The following DCC variants were observed in gnomAD, a reference collection of about 807,000 sequenced individuals.
DCC encodes DCC netrin 1 receptor.
Under a neutral mutation model 172.5 loss-of-function variants are expected in DCC, and 58 were observed. The observed-to-expected ratio is 0.34, with a 90% CI of 0.27 to 0.42. DCC has a LOEUF of 0.42. Ranked by LOEUF, DCC falls within the 10% of genes least tolerant of loss-of-function variation. DCC has a pLI of 1.00. For missense variants in DCC, 1,740 were observed against 1,791.0 expected, an observed-to-expected ratio of 0.97 and a Z score of 0.51; for synonymous variants, 709 against 644.5, an observed-to-expected ratio of 1.10 and a Z score of -1.52.
intron 1 of DCC, among the ~76,000 whole-genome samples, chr18:52,597,244 T>A (rs2033927256): frequency 6.6e-6 from 1 of 152,224 alleles, no homozygotes; most frequent in Non-Finnish European, 1.5e-5. Flanking sequence ...TTGCCAAACC[T>A]GTCAGAACTG....
intron 1 of DCC, among the ~76,000 whole-genome samples, chr18:52,356,788 A>ATT (rs35219447): frequency 4.9e-4 from 73 of 148,930 alleles, no homozygotes; most frequent in Middle Eastern, 3.4e-3. Context: ...AACCTAAATC[A>ATT]TTTTTTTTTT....
At chr18:52,528,455 G>C (rs2032047970) in intron 1 of DCC, among the ~76,000 whole-genome samples, 2 of 152,094 alleles carry the variant, frequency 1.3e-5, no homozygotes, top group Admixed American at 6.6e-5. Flanking sequence ...TTTTATACAA[G>C]AGTCTAGAAA....
chr18:52,630,521 G>C (rs1333885395), intron 1 of DCC, among the ~76,000 whole-genome samples: 2 of 152,198 alleles, frequency 1.3e-5, no homozygotes, highest in East Asian at 3.8e-4. Flanking sequence ...AAGAAGCATA[G>C]TGCCTGGCAC....
At chr18:52,724,253 C>A (rs1259638566) in intron 1 of DCC, among the ~76,000 whole-genome samples, 1 of 152,074 alleles carries the variant, frequency 6.6e-6, no homozygotes, top group East Asian at 1.9e-4. Flanking sequence ...CCTAAACAAT[C>A]CTCCTGCCTC....
At chr18:52,696,335 A>G (rs1459627438) in intron 1 of DCC, among the ~76,000 whole-genome samples, 1 of 152,172 alleles carries the variant, frequency 6.6e-6, no homozygotes, top group African/African-American at 2.4e-5. Flanking sequence ...CTCCATTTCA[A>G]CCAAAAACTG....
intron 7 of DCC, among the ~76,000 whole-genome samples, chr18:53,132,470 C>A (rs1194800377): frequency 6.6e-6 from 1 of 152,106 alleles, no homozygotes; most frequent in Non-Finnish European, 1.5e-5. Flanking sequence ...CTTCCCCTTT[C>A]CATTCTGATC....
chr18:52,809,410 CTT>C (rs35503241), intron 2 of DCC: 36,450 of 166,094 alleles, frequency 0.22, 4,609 homozygotes, highest in Admixed American at 0.32. Flanking sequence ...GGAATGGAAA[CTT>C]GGGCCATGTG....
At chr18:52,731,288 G>A (rs2036637233) in intron 1 of DCC, among the ~76,000 whole-genome samples, 1 of 152,214 alleles carries the variant, frequency 6.6e-6, no homozygotes, top group South Asian at 2.1e-4. Context: ...AAGGATTAAA[G>A]AGTTCACTCC....
chr18:52,464,604 C>T (rs1988729810), intron 1 of DCC, among the ~76,000 whole-genome samples: 1 of 152,198 alleles, frequency 6.6e-6, no homozygotes, highest in African/African-American at 2.4e-5. Flanking sequence ...AATGCAGGTT[C>T]CCCAGCATCA....
intron 25 of DCC, among the ~76,000 whole-genome samples, chr18:53,480,187 C>T (rs2045815350): frequency 6.6e-6 from 1 of 152,210 alleles, no homozygotes; most frequent in Non-Finnish European, 1.5e-5. Context: ...GAGTAAAGGT[C>T]CAGATAGAAG....
intron 12 of DCC, among the ~76,000 whole-genome samples, chr18:53,260,365 G>A (rs58280938): frequency 3.3e-5 from 5 of 152,114 alleles, no homozygotes; most frequent in South Asian, 2.1e-4. Flanking sequence ...TGATGGTGAC[G>A]TACAGATGGG....
intron 7 of DCC, among the ~76,000 whole-genome samples, chr18:53,113,091 C>T (rs545602600): frequency 1.3e-5 from 2 of 151,412 alleles, no homozygotes; most frequent in Admixed American, 1.3e-4. Flanking sequence ...CAAAAAATCC[C>T]ATTAAAGTAT....
intron 12 of DCC, among the ~76,000 whole-genome samples, chr18:53,272,487 C>T (rs767255041): frequency 3.3e-5 from 5 of 152,144 alleles, no homozygotes; most frequent in South Asian, 4.2e-4. Context: ...AAGAGGTATG[C>T]GTATTTCTGC....
intron 2 of DCC, among the ~76,000 whole-genome samples, chr18:52,846,647 A>ACACACACACACACACACACACT (rs745471962): frequency 6.9e-6 from 1 of 144,078 alleles, no homozygotes; most frequent in South Asian, 2.4e-4. Context: ...ACACACACAC[A>ACACACACACACACACACACACT]CACACTTGGG....
At chr18:52,897,373 A>G (rs1238999714) in intron 2 of DCC, among the ~76,000 whole-genome samples, 2 of 152,208 alleles carry the variant, frequency 1.3e-5, no homozygotes, top group Non-Finnish European at 2.9e-5. Context: ...CCAAACTGCT[A>G]CAGACTATGT....
At chr18:52,584,621 C>T (rs2033628702) in intron 1 of DCC, among the ~76,000 whole-genome samples, 1 of 152,072 alleles carries the variant, frequency 6.6e-6, no homozygotes, top group Non-Finnish European at 1.5e-5. Context: ...TAACCCTGGG[C>T]AAGTTATTTG....
chr18:53,117,437 T>C (rs2043424275), intron 7 of DCC, among the ~76,000 whole-genome samples: 1 of 151,742 alleles, frequency 6.6e-6, no homozygotes, highest in Admixed American at 6.6e-5. Flanking sequence ...CTCCACCCTT[T>C]CTTTTGTCAT....
chr18:52,496,234 T>C (rs1165737992), intron 1 of DCC, among the ~76,000 whole-genome samples: 3 of 152,112 alleles, frequency 2.0e-5, no homozygotes, highest in African/African-American at 7.2e-5. Context: ...CCAAAGATAA[T>C]TTTTTAGCTT....
chr18:53,167,861 G>A (rs1018695182), intron 8 of DCC, among the ~76,000 whole-genome samples: 2 of 152,130 alleles, frequency 1.3e-5, no homozygotes, highest in African/African-American at 2.4e-5. Context: ...CGAAGTTTCA[G>A]CTAAACATTT....
Sources: allele counts gnomAD v4.1 joint callset (sites outside exome capture counted in the v4.1 genomes callset), GRCh38; gene constraint gnomAD v4.1.1; transcripts MANE v1.5; gene names NCBI Gene and HGNC (gene_info 2026-07-23, HGNC 2026-07-21).